FER1L5: variants seen among roughly 807,000 people sequenced by gnomAD.
FER1L5 encodes the protein fer-1 like family member 5.
In FER1L5, 187 loss-of-function variants were observed where a neutral mutation model predicts 279.9. The observed-to-expected ratio is 0.67, with a 90% CI of 0.59 to 0.75. FER1L5 has a LOEUF of 0.75. FER1L5 is among the 30% of genes least tolerant of loss of function. FER1L5 has a pLI of 0.00. For synonymous variants in FER1L5, 921 were observed against 989.7 expected, an observed-to-expected ratio of 0.93 and a Z score of 1.30; for missense variants, 2,091 against 2,594.4, an observed-to-expected ratio of 0.81 and a Z score of 4.21.
rs1048707324 is a variant in FER1L5 at position 96,686,265 on chromosome 2, T to TG, written c.2145dup (p.Pro716AlafsTer33). ...GAGCAGCGAGTGGCCTATGCACAGG[T>TG]GCCTGCCCACTCCGTCCTCTTCTCC... On this transcript the variant is annotated frameshift_variant, in exon 23 of 53. Coordinates refer to ENST00000624922, the MANE Select transcript of FER1L5 (RefSeq NM_001293083.2). LOFTEE classifies it high-confidence loss of function. The TG allele has an allele frequency of 6.4e-7, 1 of 1,551,460 alleles. No homozygotes were observed. Among genetic ancestry groups the TG allele is most frequent in the African/African-American group, 1.4e-5 (1 of 73,046 alleles).
At position 96,689,159 on chromosome 2, in the gene FER1L5, C is replaced by A; in HGVS notation, c.2362-54C>A. The A allele has an allele frequency of 6.5e-7, 1 of 1,527,142 alleles. No individual in the cohort carries two copies. 94.6% of individuals were successfully genotyped at this position (1,527,142 alleles called of 1,614,324 possible). ...CAGGGGGCCCAGGGGAGGCCCATGT[C>A]CCCGCACTTTGTGCTAGAGGAGGCG... On this transcript the variant is annotated intron_variant, in intron 24 of 52. Transcript: ENST00000624922. This position sits in a 1 kb window ranked among gnomAD's most constrained non-coding sequence, Gnocchi z 4.6.
intron 44 of FER1L5, 37 bp from the exon 45 acceptor site, chr2:96,700,295 C>T (rs1346172605): frequency 6.2e-7 from 1 of 1,608,658 alleles, no homozygotes; most frequent in East Asian, 2.2e-5. Context: ...AGGCTAATGA[C>T]CTCGCAATCC....
chr2:96,699,404 A>G, intron 42 of FER1L5, 146 bp from the exon 43 acceptor site: 1 of 1,006,932 alleles, frequency 9.9e-7, no homozygotes, highest in Non-Finnish European at 1.5e-6. Context: ...GGGGATGGCG[A>G]TTGGCAGAAG....
chr2:96,655,788 C>T (rs2075575185), intron 9 of FER1L5, among the ~76,000 whole-genome samples: 1 of 152,156 alleles, frequency 6.6e-6, no homozygotes, highest in Non-Finnish European at 1.5e-5. Flanking sequence ...CGGCTCACTG[C>T]AGCCTTGAAC....
chr2:96,675,204 T>C (rs1238173457), intron 19 of FER1L5, among the ~76,000 whole-genome samples: 1 of 152,192 alleles, frequency 6.6e-6, no homozygotes, highest in Non-Finnish European at 1.5e-5. Context: ...TTAGGTTGTA[T>C]CTTTTTTTGC....
At chr2:96,672,660 ATGTG>A (rs140636948) in intron 18 of FER1L5, among the ~76,000 whole-genome samples, 114 of 148,266 alleles carry the variant, frequency 7.7e-4, no homozygotes, top group African/African-American at 2.3e-3. Flanking sequence ...GGGAGTATGA[ATGTG>A]TGTGTGTGTG....
intron 9 of FER1L5, among the ~76,000 whole-genome samples, chr2:96,659,475 TTC>T (rs1491190406): frequency 1.2e-4 from 4 of 32,178 alleles, no homozygotes; most frequent in Admixed American, 5.0e-4. Flanking sequence ...CTTTCTTTCT[TTC>T]TTTCTTTCTT....
intron 19 of FER1L5, 93 bp from the exon 20 acceptor site, chr2:96,684,234 T>C: frequency 6.9e-7 from 1 of 1,457,574 alleles, no homozygotes; most frequent in Admixed American, 2.2e-5. Context: ...GAGGGTGCAG[T>C]GGTCCAGAGA....
intron 14 of FER1L5, 120 bp from the exon 15 acceptor site, chr2:96,668,631 A>G (rs2076212937): frequency 8.6e-7 from 1 of 1,157,122 alleles, no homozygotes; most frequent in Non-Finnish European, 1.3e-6. Context: ...GAAGTGGCTC[A>G]CTGGTAACTG....
At chr2:96,699,300 G>C (rs890109333) in intron 42 of FER1L5, among the ~76,000 whole-genome samples, 164 bp downstream of exon 42, 20 of 152,126 alleles carry the variant, frequency 1.3e-4, no homozygotes, top group Non-Finnish European at 2.8e-4. Context: ...CAAATATATG[G>C]GTGGGCCGGT....
Position 96,659,442 on chromosome 2 carries a change from T to A in FER1L5, c.748-899T>A, listed in dbSNP as rs1451724520. Among the ~76,000 whole-genome samples, 3 of 29,100 alleles carry A rather than the reference T, an allele frequency of 1.0e-4. 1 individual carries two copies. The highest frequency in any genetic ancestry group is 6.0e-4 in the African/African-American group (3 of 4,992). The allele number at this position is 29,100 out of a possible 152,430, so 19.1% of individuals were successfully genotyped here. On this transcript the variant is annotated intron_variant, in intron 9 of 52. Coordinates refer to ENST00000624922, the MANE Select transcript of FER1L5 (RefSeq NM_001293083.2). The stretch of plus-strand genomic sequence containing the variant: ...CTTTCTTTCTTTCTTTCTTTCTTTC[T>A]TTCTTTCTTTCTTTCTTTCTTTCTT...
At chr2:96,695,348 T>C in intron 34 of FER1L5, 161 bp from the exon 35 acceptor site, 1 of 932,172 alleles carries the variant, frequency 1.1e-6, no homozygotes, top group Non-Finnish European at 1.5e-6. Flanking sequence ...GGGAAGCCTG[T>C]CCTTGTGCGC....
At position 96,662,227 on chromosome 2, in the gene FER1L5, C is replaced by A; in HGVS notation, c.1031C>A (p.Ser344Ter). The change falls in exon 13 of 53, where the codon TCA (serine) becomes TAA (stop). Residue 344 changes from serine (S) to a stop codon, truncating the protein, a stop_gained. Coordinates refer to ENST00000624922, the MANE Select transcript of FER1L5 (RefSeq NM_001293083.2). LOFTEE classifies it high-confidence loss of function. ...AEDLHLKKHQ[S>*]VNPQLEVELI... ...TTGTTGTTCATAGAGAAACACCAGTCAGTGAATCCTCAGTTGGAGGTGGAA... is the reference window on the plus strand; with the variant it reads ...TTGTTGTTCATAGAGAAACACCAGTAAGTGAATCCTCAGTTGGAGGTGGAA... 1 of 1,551,532 alleles carries A rather than the reference C, an allele frequency of 6.4e-7. No homozygotes were observed. Among genetic ancestry groups the A allele is most frequent in the South Asian group, 1.2e-5 (1 of 83,988 alleles).
In FER1L5 at chr2:96,698,144, A is replaced by AG. The variant is rs776668945; in HGVS notation, c.4348dup (p.Glu1450GlyfsTer13). The AG allele has an allele frequency of 6.4e-7, 1 of 1,564,352 alleles. No individual in the cohort carries two copies. Among genetic ancestry groups the AG allele is most frequent in the Non-Finnish European group, 8.7e-7 (1 of 1,154,374 alleles). Reference sequence around the variant, plus strand: ...AGCCCAAGTTGGACAGCCCCGTGGTAGGGGAGTTCAAGGTGTGTGTCCACC... The same window carrying AG: ...AGCCCAAGTTGGACAGCCCCGTGGTAGGGGGAGTTCAAGGTGTGTGTCCACC... On this transcript the variant is annotated frameshift_variant, in exon 40 of 53. Transcript: ENST00000624922. LOFTEE classifies it high-confidence loss of function. The surrounding 1 kb of genome is among the most constrained non-coding windows in gnomAD (Gnocchi z 5.5).
At chr2:96,665,806 G>A (rs1332551979) in intron 14 of FER1L5, among the ~76,000 whole-genome samples, 4 of 151,890 alleles carry the variant, frequency 2.6e-5, no homozygotes, top group East Asian at 1.9e-4. Flanking sequence ...GGCTGGTCTC[G>A]AACACCTGAC....
At chr2:96,688,113 CTG>C (rs1300880295) in intron 24 of FER1L5, among the ~76,000 whole-genome samples, 166 bp downstream of exon 24, 2 of 152,132 alleles carry the variant, frequency 1.3e-5, no homozygotes, top group African/African-American at 4.8e-5. Flanking sequence ...CTGACCGAAA[CTG>C]AGGGCTAGGA....
intron 4 of FER1L5, 114 bp from the exon 5 acceptor site, chr2:96,649,509 C>T: frequency 2.1e-6 from 2 of 950,048 alleles, no homozygotes; most frequent in Admixed American, 4.3e-5. Context: ...TGACTAGCAT[C>T]ACGGCCCCCA....
chr2:96,684,335 T>C lies in FER1L5; in HGVS notation c.1678T>C (p.Tyr560His). ...GTGTCTCTGTGTCTCAGGGAACATCTACCATTATGTGCCCTGGTACAACAC... is the reference window on the plus strand; with the variant it reads ...GTGTCTCTGTGTCTCAGGGAACATCCACCATTATGTGCCCTGGTACAACAC... ...YSPVIYDGNI[Y>H]HYVPWYNTKP... Residue 560 changes from tyrosine (Y) to histidine (H), a missense_variant, in exon 20 of 53, where the codon TAC (tyrosine) becomes CAC (histidine). Transcript: ENST00000624922. The C allele has an allele frequency of 6.4e-7, 1 of 1,551,562 alleles. No homozygotes were observed. Among genetic ancestry groups the C allele is most frequent in the Non-Finnish European group, 8.7e-7 (1 of 1,146,904 alleles).
Position 96,701,944 on chromosome 2 carries a change from C to A in FER1L5, c.5071-11C>A. 6.2e-7 allele frequency: 1 copy of A among 1,613,820 alleles called. No individual in the cohort carries two copies. Among genetic ancestry groups the A allele is most frequent in the Non-Finnish European group, 8.5e-7 (1 of 1,179,754 alleles). On this transcript the variant is annotated splice_polypyrimidine_tract_variant and intron_variant, in intron 45 of 52. Transcript: ENST00000624922. ...AGCAACCCCCAACCAGTCAATGTAT[C>A]CCGGCTCTAGGGAAAGGTGCAAATG...
Sources: allele counts gnomAD v4.1 joint callset (sites outside exome capture counted in the v4.1 genomes callset), GRCh38; gene constraint gnomAD v4.1.1; non-coding constraint Gnocchi (gnomAD v3.1); transcripts MANE v1.5; gene names NCBI Gene and HGNC (gene_info 2026-07-23, HGNC 2026-07-21).